Variants in OR7E24 observed in about 807,000 individuals in gnomAD.
OR7E24 encodes the protein olfactory receptor 7E24.
For missense variants in OR7E24, 385 were observed against 410.3 expected (o/e 0.94, Z 0.53); for synonymous variants, 130 against 157.5 (o/e 0.83, Z 1.31).
chr19:9,214,293 G>A, the OR7E24 span: 1 of 1,614,202 alleles, frequency 6.2e-7, no homozygotes, highest in Admixed American at 1.7e-5. Flanking sequence ...GAGGACCTGA[G>A]CCGGTTCACA....
At chr19:9,227,150 C>T in the OR7E24 span, among the ~76,000 whole-genome samples, 1 of 152,108 alleles carries the variant, frequency 6.6e-6, no homozygotes, top group Non-Finnish European at 1.5e-5. Context: ...GCGGTATTTG[C>T]TTTTCTGTTC....
the OR7E24 span, chr19:9,214,027 T>G: frequency 3.7e-6 from 6 of 1,614,100 alleles, no homozygotes; most frequent in South Asian, 6.6e-5. Context: ...GCGGTGGAGC[T>G]GCTCTGGGAA....
upstream of OR7E24, among the ~76,000 whole-genome samples, chr19:9,244,341 TA>T (rs1366597385): frequency 6.6e-6 from 1 of 152,154 alleles, no homozygotes; most frequent in African/African-American, 2.4e-5. Flanking sequence ...CTATAATACA[TA>T]AAGACACATA....
chr19:9,234,694 G>A, the OR7E24 span, among the ~76,000 whole-genome samples: 1 of 152,110 alleles, frequency 6.6e-6, no homozygotes, highest in Non-Finnish European at 1.5e-5. Context: ...CCCCATAAAT[G>A]AGTAAAACAT....
At chr19:9,209,556 A>T in the OR7E24 span, 2 of 152,174 alleles carry the variant, frequency 1.3e-5, no homozygotes, top group South Asian at 4.1e-4. Context: ...CTACATTTTT[A>T]AAAAATTTAA....
chr19:9,214,421 G>T, the OR7E24 span: 1 of 1,614,058 alleles, frequency 6.2e-7, no homozygotes, highest in South Asian at 1.1e-5. Flanking sequence ...GGCCACAGAG[G>T]CAGGGGTTCA....
chr19:9,243,233 CCA>C (rs1328370723), upstream of OR7E24, among the ~76,000 whole-genome samples: 1 of 152,084 alleles, frequency 6.6e-6, no homozygotes, highest in Non-Finnish European at 1.5e-5. Context: ...CCCGCCATCT[CCA>C]CACACACCAT....
At chr19:9,246,920 T>C (rs934243158), upstream of OR7E24, among the ~76,000 whole-genome samples, 1 of 152,128 alleles carries the variant, frequency 6.6e-6, no homozygotes, top group Non-Finnish European at 1.5e-5. Context: ...GTTCTGGAGA[T>C]GGATGGTGAG....
At chr19:9,233,399 T>C in the OR7E24 span, among the ~76,000 whole-genome samples, 2 of 152,224 alleles carry the variant, frequency 1.3e-5, no homozygotes, top group Non-Finnish European at 2.9e-5. Context: ...GATGATCGAC[T>C]CTACTGACCT....
chr19:9,218,635 T>C, the OR7E24 span, among the ~76,000 whole-genome samples: 1 of 151,562 alleles, frequency 6.6e-6, no homozygotes, highest in Non-Finnish European at 1.5e-5. Context: ...TGCAAATGGA[T>C]TTTTTTTTGG....
rs1449431305 is a variant in OR7E24, at chr19:9,252,335, A to G, written c.*272A>G. 2 of 237,430 alleles carry G rather than the reference A, an allele frequency of 8.4e-6. No individual in the cohort carries two copies. The highest frequency in any genetic ancestry group is 4.5e-5 in the African/African-American group (2 of 44,352). 14.7% of individuals were successfully genotyped at this position (237,430 alleles called of 1,614,324 possible). A position where few individuals can be genotyped will look rare whatever the true frequency, so the allele number is the denominator to read the frequency against. On this transcript the variant is annotated 3_prime_UTR_variant, in exon 1 of 1. Coordinates refer to ENST00000456448, the MANE Select transcript of OR7E24 (RefSeq NM_001079935.2). ...ATCACAATCTTTTCTGATAGACTTG[A>G]AATCCTCACTTAACTTTGTCAAGAG...
chr19:9,239,590 T>A, the OR7E24 span, among the ~76,000 whole-genome samples: 1 of 152,216 alleles, frequency 6.6e-6, no homozygotes, highest in Non-Finnish European at 1.5e-5. Flanking sequence ...CCTGTTAATT[T>A]GCATGCCTTC....
At chr19:9,219,935 C>A in the OR7E24 span, among the ~76,000 whole-genome samples, 1 of 152,188 alleles carries the variant, frequency 6.6e-6, no homozygotes, top group Non-Finnish European at 1.5e-5. Flanking sequence ...ACTCAGGAAT[C>A]ATCTCCAAGC....
the OR7E24 span, among the ~76,000 whole-genome samples, chr19:9,229,939 AG>A: frequency 0.032 from 4,806 of 152,168 alleles, 247 homozygotes; most frequent in African/African-American, 0.11. Flanking sequence ...TGACCCAACA[AG>A]GGCTGCTGGG....
chr19:9,247,469 C>T (rs1035315620), upstream of OR7E24: 3 of 398,538 alleles, frequency 7.5e-6, no homozygotes, highest in South Asian at 1.3e-4. Context: ...GGGAGGACAG[C>T]GGACCTACTC....
the OR7E24 span, chr19:9,214,540 G>A: frequency 6.2e-7 from 1 of 1,614,140 alleles, no homozygotes; most frequent in Non-Finnish European, 8.5e-7. Context: ...AAATACACCT[G>A]AGTGAGGCAC....
the OR7E24 span, among the ~76,000 whole-genome samples, chr19:9,223,814 T>C: frequency 6.6e-6 from 1 of 151,116 alleles, no homozygotes; most frequent in Non-Finnish European, 1.5e-5. Context: ...GGCGTGGTGT[T>C]GGTGCGATAA....
chr19:9,229,325 T>C, the OR7E24 span, among the ~76,000 whole-genome samples: 1 of 151,086 alleles, frequency 6.6e-6, no homozygotes, highest in African/African-American at 2.4e-5. Flanking sequence ...AGGTCAGGAG[T>C]TCGAGACCAG....
chr19:9,227,848 G>T, the OR7E24 span, among the ~76,000 whole-genome samples: 1 of 147,996 alleles, frequency 6.8e-6, no homozygotes. Flanking sequence ...CCGCCTCCCG[G>T]GTTCATGCCA....
Sources: gnomAD v4.1 joint callset for allele counts (sites outside exome capture counted in the v4.1 genomes callset) on GRCh38, gnomAD v4.1.1 for gene constraint, MANE v1.5 for transcripts, NCBI Gene and HGNC (gene_info 2026-07-23, HGNC 2026-07-21) for gene names.